OPCML: variants seen among roughly 807,000 people sequenced by gnomAD.
OPCML encodes the protein opioid-binding protein/cell adhesion molecule.
In OPCML, 13 loss-of-function variants were observed where a neutral mutation model predicts 37.8. The ratio of observed to expected loss-of-function variants is 0.34; its 90% CI spans 0.22 to 0.55. The LOEUF (loss-of-function observed/expected upper bound fraction) is 0.55. Among genes scored for constraint, OPCML ranks in the 20% least tolerant of loss-of-function variants. OPCML has a pLI of 0.91. For synonymous variants in OPCML, 176 were observed against 168.8 expected (o/e 1.04, Z -0.33); for missense variants, 341 against 435.6 (o/e 0.78, Z 1.93).
intron 2 of OPCML, among the ~76,000 whole-genome samples, chr11:132,790,566 C>T (rs1262106954): frequency 6.6e-6 from 1 of 152,228 alleles, no homozygotes; most frequent in Non-Finnish European, 1.5e-5. Flanking sequence ...TTCACAGATT[C>T]TCAAGACTGT....
chr11:133,469,040 G>C (rs564191239), intron 1 of OPCML, among the ~76,000 whole-genome samples: 1 of 152,218 alleles, frequency 6.6e-6, no homozygotes, highest in Admixed American at 6.5e-5. Flanking sequence ...TGAGGAGCTG[G>C]GGTTGGCTTA....
chr11:132,984,181 C>T (rs1159333764), intron 1 of OPCML, among the ~76,000 whole-genome samples: 1 of 152,196 alleles, frequency 6.6e-6, no homozygotes, highest in Non-Finnish European at 1.5e-5. Flanking sequence ...TGCTATGCCA[C>T]CATCTAAACC....
At position 133,340,606 on chromosome 11, in the gene OPCML, CTCTGTG is replaced by C. The variant is rs1318057118; in HGVS notation, c.61+191652_61+191657del. 1.2e-3 allele frequency among the ~76,000 whole-genome samples: 133 copies of C among 109,354 alleles called. 1 individual carries two copies. Among genetic ancestry groups the C allele is most frequent in the East Asian group, 4.2e-3 (17 of 4,062 alleles). The allele number at this position is 109,354 out of a possible 152,430, so 71.7% of individuals were successfully genotyped here. On this transcript the variant is annotated intron_variant, in intron 1 of 7. Coordinates refer to ENST00000524381, the MANE Select transcript of OPCML (RefSeq NM_001012393.5). ...ACTCTAGCCCACAAATTAAGACTCT[CTCTGTG>C]TGTGTGTGTGTGTGTGTGTGTGTGT...
At chr11:133,373,736 T>C (rs1412291967) in intron 1 of OPCML, among the ~76,000 whole-genome samples, 1 of 152,102 alleles carries the variant, frequency 6.6e-6, no homozygotes, top group Non-Finnish European at 1.5e-5. Context: ...TAAAACTAAA[T>C]AAACACTATT....
chr11:132,898,877 T>C (rs1565947015), intron 2 of OPCML, among the ~76,000 whole-genome samples: 1 of 145,120 alleles, frequency 6.9e-6, no homozygotes, highest in African/African-American at 2.7e-5. Context: ...GGCCTCATGC[T>C]TCTGAGTCAA....
intron 3 of OPCML, among the ~76,000 whole-genome samples, chr11:132,541,295 C>A (rs1335281097): frequency 6.6e-6 from 1 of 152,122 alleles, no homozygotes; most frequent in African/African-American, 2.4e-5. Context: ...TCTCTTGTTA[C>A]AACAACCTGA....
intron 3 of OPCML, among the ~76,000 whole-genome samples, chr11:132,608,565 G>T (rs1053640777): frequency 6.6e-6 from 1 of 152,168 alleles, no homozygotes; most frequent in Admixed American, 6.5e-5. Flanking sequence ...TGCTGAAGAT[G>T]CTGGGCAATC....
chr11:132,887,755 A>G (rs182036938), intron 2 of OPCML, among the ~76,000 whole-genome samples: 1 of 152,356 alleles, frequency 6.6e-6, no homozygotes, highest in East Asian at 1.9e-4. Context: ...GAGAGTGTCA[A>G]AAACATAAGG....
At chr11:133,283,101 G>A (rs1942203318) in intron 1 of OPCML, among the ~76,000 whole-genome samples, 1 of 152,168 alleles carries the variant, frequency 6.6e-6, no homozygotes, top group Admixed American at 6.5e-5. Context: ...GTTGGGAAGA[G>A]GTGACTGTAT....
At chr11:133,467,226 G>A (rs1256531120) in intron 1 of OPCML, among the ~76,000 whole-genome samples, 1 of 152,146 alleles carries the variant, frequency 6.6e-6, no homozygotes, top group East Asian at 1.9e-4. Context: ...TCTGTCCTTA[G>A]AGAGCTGATA....
intron 7 of OPCML, among the ~76,000 whole-genome samples, chr11:132,430,676 C>A (rs1055236422): frequency 6.6e-6 from 1 of 152,144 alleles, no homozygotes; most frequent in Non-Finnish European, 1.5e-5. Context: ...CTACACTTAA[C>A]TCTTAATGTA....
rs73589370 is a variant in OPCML, at chr11:132,884,803, G to A, written c.146+58123C>T. Among the ~76,000 whole-genome samples, 1,365 of 152,284 alleles carry A rather than the reference G, an allele frequency of 9.0e-3. 18 individuals are homozygous for A. The highest frequency in any genetic ancestry group is 0.031 in the African/African-American group (1,285 of 41,544). ...ATTGGTTTTACTAAAATATATAGGT[G>A]GTTATACTCAAAGAAGCTATTTCAC... is the stretch of plus-strand genomic sequence containing the variant. On this transcript the variant is annotated intron_variant, in intron 2 of 7. Coordinates refer to ENST00000524381, the MANE Select transcript of OPCML (RefSeq NM_001012393.5).
At chr11:132,610,755 T>C (rs1226601550) in intron 3 of OPCML, among the ~76,000 whole-genome samples, 2 of 152,214 alleles carry the variant, frequency 1.3e-5, no homozygotes, top group African/African-American at 4.8e-5. Context: ...ATGCAAAGGA[T>C]GACTGCAAAT....
At chr11:133,364,986 CTT>C (rs892269551) in intron 1 of OPCML, among the ~76,000 whole-genome samples, 2 of 151,912 alleles carry the variant, frequency 1.3e-5, no homozygotes, top group African/African-American at 4.8e-5. Flanking sequence ...CATGATCTGA[CTT>C]TTTCCTTTTC....
intron 4 of OPCML, among the ~76,000 whole-genome samples, chr11:132,462,338 C>A (rs2096105208): frequency 6.6e-6 from 1 of 152,130 alleles, no homozygotes; most frequent in Non-Finnish European, 1.5e-5. Context: ...AGGATGTGTG[C>A]CATTTCCACA....
intron 2 of OPCML, among the ~76,000 whole-genome samples, chr11:132,868,038 G>A (rs2136383121): frequency 6.6e-6 from 1 of 152,264 alleles, no homozygotes; most frequent in African/African-American, 2.4e-5. Context: ...CTTTGATATT[G>A]TTTTGTGAAA....
chr11:132,870,340 T>C (rs1004525916), intron 2 of OPCML, among the ~76,000 whole-genome samples: 4 of 152,124 alleles, frequency 2.6e-5, no homozygotes, highest in Non-Finnish European at 5.9e-5. Context: ...AGAAGGGCTA[T>C]TACAAAAAGA....
intron 1 of OPCML, among the ~76,000 whole-genome samples, chr11:133,449,387 G>A (rs1946534109): frequency 6.6e-6 from 1 of 152,244 alleles, no homozygotes; most frequent in African/African-American, 2.4e-5. Context: ...AATAAAACCG[G>A]ATTTATATGA....
intron 4 of OPCML, among the ~76,000 whole-genome samples, chr11:132,491,579 T>C (rs2096215739): frequency 6.6e-6 from 1 of 152,276 alleles, no homozygotes; most frequent in Non-Finnish European, 1.5e-5. Context: ...ACTCACTCTC[T>C]TTCCCCTTCC....
Sources: gnomAD v4.1 joint callset for allele counts (sites outside exome capture counted in the v4.1 genomes callset) on GRCh38, gnomAD v4.1.1 for gene constraint, MANE v1.5 for transcripts, NCBI Gene and HGNC (gene_info 2026-07-23, HGNC 2026-07-21) for gene names.